The following XPC variants were observed in gnomAD, a reference collection of about 807,000 sequenced individuals.
The protein encoded by XPC is XPC complex subunit, DNA damage recognition and repair factor, also known as DNA repair protein complementing XP-C cells.
Under a neutral mutation model 95.8 loss-of-function variants are expected in XPC, and 76 were observed. The observed-to-expected ratio is 0.79, with a 90% CI of 0.66 to 0.96. The LOEUF is 0.96. XPC is among the 40% of genes least tolerant of loss of function. XPC has a pLI of 0.00. For synonymous variants in XPC, 442 were observed against 442.1 expected, an observed-to-expected ratio of 1.00 and a Z score of 0.00; for missense variants, 1,146 against 1,179.8, an observed-to-expected ratio of 0.97 and a Z score of 0.42.
Position 14,145,453 on chromosome 3 carries a change from G to T in XPC, c.*488C>A, listed in dbSNP as rs1279841732. 4.3e-6 allele frequency: 3 copies of T among 694,932 alleles called. No individual in the cohort carries two copies. The highest frequency in any genetic ancestry group is 7.9e-6 in the Non-Finnish European group (3 of 380,476). 43.0% of individuals were successfully genotyped at this position (694,932 alleles called of 1,614,324 possible). A position where few individuals can be genotyped will look rare whatever the true frequency, so the allele number is the denominator to read the frequency against. On this transcript the variant is annotated 3_prime_UTR_variant, in exon 16 of 16. Transcript: ENST00000285021. ...CAGCATTAGTAAGCCTGACTCAGGG[G>T]AAGGTAAGTGGCCTGCAGAGAAATG...
At chr3:14,178,217 G>C in intron 1 of XPC, 1 of 520,852 alleles carries the variant, frequency 1.9e-6, no homozygotes, top group Non-Finnish European at 3.3e-6. Context: ...TCTGGACAAC[G>C]GGGAGCGGGA....
intron 2 of XPC, among the ~76,000 whole-genome samples, chr3:14,171,810 G>A (rs1003088052): frequency 2.6e-5 from 4 of 152,086 alleles, no homozygotes; most frequent in African/African-American, 4.8e-5. Flanking sequence ...GCAACAGAGC[G>A]AGACTCCATT....
Position 14,158,971 on chromosome 3 carries a change from T to C in XPC, c.991-79A>G. The stretch of plus-strand genomic sequence containing the variant: ...ATATGATAGAAATCCTGTAATCTAA[T>C]AGGGTTAAGTCACCAGCTAGAGAAC... On this transcript the variant is annotated intron_variant, in intron 8 of 15. Transcript: ENST00000285021. The surrounding 1 kb of genome is among the most constrained non-coding windows in gnomAD (Gnocchi z 5.2). The C allele has an allele frequency of 3.8e-6, 6 of 1,576,394 alleles. No homozygotes were observed. Among genetic ancestry groups the C allele is most frequent in the South Asian group, 2.2e-5 (2 of 88,916 alleles).
intron 9 of XPC, 148 bp from the exon 10 acceptor site, chr3:14,156,643 G>T: frequency 3.8e-6 from 4 of 1,062,932 alleles, no homozygotes; most frequent in Non-Finnish European, 5.6e-6. Context: ...CATCGCATCT[G>T]TACCTCCGGC....
chr3:14,175,820 A>G (rs2125049536), intron 1 of XPC, among the ~76,000 whole-genome samples: 1 of 152,352 alleles, frequency 6.6e-6, no homozygotes, highest in Middle Eastern at 3.4e-3. Context: ...TGTCATCTGC[A>G]GCCCAAACCA....
Position 14,147,907 on chromosome 3 carries a change from C to T in XPC, c.2514+1G>A. On this transcript the variant is annotated splice_donor_variant, in intron 14 of 15. Coordinates refer to ENST00000285021, the MANE Select transcript of XPC (RefSeq NM_004628.5). LOFTEE classifies it high-confidence loss of function. ...TCCCTCAGTCCTGCATATGCGCTTA[C>T]CTCCTTCTCCTTCCTTTCAATGACT... The T allele has an allele frequency of 4.4e-6, 7 of 1,597,354 alleles. No homozygotes were observed. The highest frequency in any genetic ancestry group is 6.0e-6 in the Non-Finnish European group (7 of 1,171,100).
At chr3:14,160,329 A>G (rs1440223348) in intron 7 of XPC, among the ~76,000 whole-genome samples, 1 of 152,164 alleles carries the variant, frequency 6.6e-6, no homozygotes, top group African/African-American at 2.4e-5. Context: ...CTGTTTTCCA[A>G]TTTTCCCCAC....
At chr3:14,178,375 A>T in intron 1 of XPC, 91 bp downstream of exon 1, 1 of 1,404,916 alleles carries the variant, frequency 7.1e-7, no homozygotes, top group Non-Finnish European at 9.4e-7. Flanking sequence ...AACCTCCACC[A>T]GGCCTCCGCG....
At position 14,145,448 on chromosome 3, in the gene XPC, C is replaced by T. The variant is rs1016923232; in HGVS notation, c.*493G>A. On this transcript the variant is annotated 3_prime_UTR_variant, in exon 16 of 16. Transcript: ENST00000285021. ...GAGGGCAGCATTAGTAAGCCTGACT[C>T]AGGGGAAGGTAAGTGGCCTGCAGAG... The T allele has an allele frequency of 8.6e-6, 6 of 694,836 alleles. No individual in the cohort carries two copies. In the African/African-American group the frequency reaches 1.1e-4, roughly 12 times the overall value. The allele number at this position is 694,836 out of a possible 1,614,324, so 43.0% of individuals were successfully genotyped here. A position where few individuals can be genotyped will look rare whatever the true frequency, so the allele number is the denominator to read the frequency against.
Position 14,145,417 on chromosome 3 carries a change from G to A in XPC, c.*524C>T. 1 of 697,848 alleles carries A rather than the reference G, an allele frequency of 1.4e-6. No homozygotes were observed. The highest frequency in any genetic ancestry group is 2.6e-6 in the Non-Finnish European group (1 of 382,956). The allele number at this position is 697,848 out of a possible 1,614,324, so 43.2% of individuals were successfully genotyped here. ...TCTGCTCTCTCCCCTACTGCAAAGAGGCAGTGAGGGCAGCATTAGTAAGCC... is the reference window on the plus strand; with the variant it reads ...TCTGCTCTCTCCCCTACTGCAAAGAAGCAGTGAGGGCAGCATTAGTAAGCC... On this transcript the variant is annotated 3_prime_UTR_variant, in exon 16 of 16. Coordinates refer to ENST00000285021, the MANE Select transcript of XPC (RefSeq NM_004628.5).
intron 14 of XPC, chr3:14,147,691 C>G: frequency 1.7e-6 from 1 of 599,564 alleles, no homozygotes; most frequent in Non-Finnish European, 2.9e-6. Context: ...CAGTAGACCC[C>G]AGAGCCCGGA....
At position 14,156,470 on chromosome 3, in the gene XPC, G is replaced by A. The variant is rs777782600; in HGVS notation, c.1898C>T (p.Pro633Leu). ...LEFQAKHMDQPLPTAIGLYKN... is the reference protein window; with the variant it reads ...LEFQAKHMDQLLPTAIGLYKN... ...ATATAAGCCAATGGCAGTGGGCAAA[G>A]GCTGGTCCATGTGTTTAGCCTGAAA... The change falls in exon 10 of 16, where the codon CCT (proline) becomes CTT (leucine). Residue 633 changes from proline to leucine, a missense_variant. Pro to Leu is a moderately conservative substitution (Grantham distance 98, BLOSUM62 -3). Transcript: ENST00000285021. 3.7e-6 allele frequency: 6 copies of A among 1,614,030 alleles called. No individual in the cohort carries two copies. Among genetic ancestry groups the A allele is most frequent in the South Asian group, 3.3e-5 (3 of 91,084 alleles).
chr3:14,158,187 T>C lies in XPC; in HGVS notation c.1696A>G (p.Met566Val), dbSNP rs751340966. ...LTCYKYATKP[M>V]TYVVGIDSDG... is the part of the protein sequence containing the mutation. Reference sequence around the variant, plus strand: ...CTGTCAATGCCCACCACATAGGTCATGGGCTTGGTGGCGTACTTGTAACAG... The same window carrying C: ...CTGTCAATGCCCACCACATAGGTCACGGGCTTGGTGGCGTACTTGTAACAG... Residue 566 changes from methionine (M) to valine (V), a missense_variant, in exon 9 of 16, where the codon ATG becomes GTG. Coordinates refer to ENST00000285021, the MANE Select transcript of XPC (RefSeq NM_004628.5). The surrounding 1 kb of genome is among the most constrained non-coding windows in gnomAD (Gnocchi z 5.2). 10 of 1,613,982 alleles carry C rather than the reference T, an allele frequency of 6.2e-6. No homozygotes were observed. Among genetic ancestry groups the C allele is most frequent in the South Asian group, 2.2e-5 (2 of 91,080 alleles).
chr3:14,168,276 C>T lies in XPC; in HGVS notation c.517G>A (p.Ala173Thr). Residue 173 changes from alanine (A) to threonine (T), a missense_variant, in exon 4 of 16, where the codon GCG becomes ACG. Transcript: ENST00000285021. ...VEIEIETPEQ[A>T]KTRERSEKIK... ...GCTTACCTTCTTTCTCTTGTCTTCG[C>T]CTGCTCTGGCGTTTCAATCTCTATC... 2 of 1,612,762 alleles carry T rather than the reference C, an allele frequency of 1.2e-6. No homozygotes were observed. Among genetic ancestry groups the T allele is most frequent in the Non-Finnish European group, 1.7e-6 (2 of 1,179,418 alleles).
At chr3:14,176,596 A>C (rs1217616197) in intron 1 of XPC, among the ~76,000 whole-genome samples, 1 of 152,266 alleles carries the variant, frequency 6.6e-6, no homozygotes, top group East Asian at 1.9e-4. Context: ...TGAGTGAATA[A>C]AATGGAACTC....
At chr3:14,178,411 C>T in intron 1 of XPC, 55 bp downstream of exon 1, 1 of 1,544,350 alleles carries the variant, frequency 6.5e-7, no homozygotes, top group South Asian at 1.2e-5. Flanking sequence ...TGCCTCTGGG[C>T]CTCCTCCGCC....
chr3:14,172,589 G>A lies in XPC; in HGVS notation c.299+278C>T, dbSNP rs183178755. Among the ~76,000 whole-genome samples the A allele has an allele frequency of 2.0e-4, 31 of 152,304 alleles. 1 individual carries two copies. The highest frequency in any genetic ancestry group is 1.8e-3 in the Admixed American group (28 of 15,302). ...TTTTGTATACATCTAATATTTTTGT[G>A]TAGTAGAAAGAGCACTGGACCAGGA... On this transcript the variant is annotated intron_variant, in intron 2 of 15. Transcript: ENST00000285021.
At chr3:14,162,594 A>C (rs1403043404) in intron 7 of XPC, among the ~76,000 whole-genome samples, 1 of 152,232 alleles carries the variant, frequency 6.6e-6, no homozygotes, top group Admixed American at 6.5e-5. Context: ...CATAAGAATG[A>C]TATTGAACAC....
chr3:14,157,741 T>C (rs1695976936), intron 9 of XPC, among the ~76,000 whole-genome samples: 1 of 152,150 alleles, frequency 6.6e-6, no homozygotes, highest in South Asian at 2.1e-4. Flanking sequence ...AAGCTCCAAA[T>C]TTATAACTGG....
Sources: gnomAD v4.1 joint callset for allele counts (sites outside exome capture counted in the v4.1 genomes callset) on GRCh38, gnomAD v4.1.1 for gene constraint, Gnocchi (gnomAD v3.1) non-coding constraint, MANE v1.5 for transcripts, NCBI Gene and HGNC (gene_info 2026-07-23, HGNC 2026-07-21) for gene names.